WNT9B: variants seen among roughly 807,000 people sequenced by gnomAD.
WNT9B encodes the protein protein Wnt-9b.
In WNT9B, 12 loss-of-function variants were observed where a neutral mutation model predicts 30.2. The ratio of observed to expected loss-of-function variants is 0.40; its 90% CI spans 0.26 to 0.64. WNT9B has a LOEUF of 0.64. Among genes scored for constraint, WNT9B ranks in the 30% least tolerant of loss-of-function variants. The pLI is 0.42. For missense variants in WNT9B, 442 were observed against 485.2 expected, an observed-to-expected ratio of 0.91 and a Z score of 0.84; for synonymous variants, 218 against 216.9, an observed-to-expected ratio of 1.01 and a Z score of -0.05.
chr17:46,850,557 G>T (rs190843555), upstream of WNT9B, among the ~76,000 whole-genome samples: 41 of 152,270 alleles, frequency 2.7e-4, no homozygotes, highest in Admixed American at 2.4e-3. Context: ...AACTTTACAT[G>T]CAGATCTTGA....
Position 46,879,092 on chromosome 17 carries a change from T to C in WNT9B, c.*2374T>C, listed in dbSNP as rs2085389344. On this transcript the variant is annotated 3_prime_UTR_variant, in exon 4 of 4. Transcript: ENST00000290015. ...AGGGTATTTTTGTCTACCTCAAATA[T>C]ATAGTTTTTAGAGCAAAGGAGAATA... Among the ~76,000 whole-genome samples the C allele has an allele frequency of 6.6e-6, 1 of 152,234 alleles. No individual in the cohort carries two copies. The highest frequency in any genetic ancestry group is 1.5e-5 in the Non-Finnish European group (1 of 68,038).
At chr17:46,834,319 G>A (rs752292265) in intron 1 of WNT9B, among the ~76,000 whole-genome samples, 5 of 152,214 alleles carry the variant, frequency 3.3e-5, no homozygotes, top group African/African-American at 4.8e-5. Context: ...TGGAGAAGCA[G>A]GTGGTGCCTG....
intron 1 of WNT9B, among the ~76,000 whole-genome samples, chr17:46,857,825 G>A (rs915677289): frequency 6.6e-6 from 1 of 152,216 alleles, no homozygotes; most frequent in African/African-American, 2.4e-5. Context: ...GATGAATGGT[G>A]TGTTGAACAT....
chr17:46,866,495 G>A lies in WNT9B; in HGVS notation c.78-6022G>A, dbSNP rs889243891. Among the ~76,000 whole-genome samples the A allele has an allele frequency of 2.0e-5, 3 of 152,040 alleles. No individual in the cohort carries two copies. The East Asian group carries it at 5.8e-4, about 29-fold the overall frequency. On this transcript the variant is annotated intron_variant, in intron 1 of 3. Transcript: ENST00000290015. ...GTGTGTGTGTATTTGTGTGTGTAGG[G>A]GGATCAGTGAGGGCCAGGAGAGGTA... is the stretch of plus-strand genomic sequence containing the variant.
At chr17:46,863,112 G>A (rs1461849864) in intron 1 of WNT9B, among the ~76,000 whole-genome samples, 1 of 752 alleles carries the variant, frequency 1.3e-3, no homozygotes, top group Non-Finnish European at 2.4e-3. Flanking sequence ...TCGTGGGCTA[G>A]GGAGGGCGTG....
At position 46,839,963 on chromosome 17, in the gene WNT9B, TC is replaced by T. The variant is rs1417630083; in HGVS notation, c.95+6524del. Among the ~76,000 whole-genome samples the T allele has an allele frequency of 1.8e-3, 267 of 148,078 alleles. 1 individual carries two copies. The highest frequency in any genetic ancestry group is 2.9e-3 in the Non-Finnish European group (192 of 66,904). On this transcript the variant is annotated intron_variant, in intron 1 of 2. Coordinates refer to the WNT9B transcript ENST00000575372. The stretch of plus-strand genomic sequence containing the variant: ...TTCTTTCTTTCTTTCTTTCTTTCTT[TC>T]TTTCTTTCTTTCTCTTCTTTCTTTC...
chr17:46,868,913 G>T (rs2085189233), intron 1 of WNT9B, among the ~76,000 whole-genome samples: 1 of 152,228 alleles, frequency 6.6e-6, no homozygotes, highest in Non-Finnish European at 1.5e-5. Flanking sequence ...GGCTGAGCAT[G>T]TGTCGGATAA....
chr17:46,861,644 G>A (rs891763275), intron 1 of WNT9B, among the ~76,000 whole-genome samples: 1 of 152,156 alleles, frequency 6.6e-6, no homozygotes, highest in Non-Finnish European at 1.5e-5. Flanking sequence ...ACATGAGCTG[G>A]GGGCATAGGG....
chr17:46,875,687 C>T (rs1231668551), intron 3 of WNT9B, among the ~76,000 whole-genome samples: 1 of 152,144 alleles, frequency 6.6e-6, no homozygotes, highest in Non-Finnish European at 1.5e-5. Flanking sequence ...ATTCCAAGGA[C>T]CAGGCCTTCC....
chr17:46,862,593 G>GT (rs900186445), intron 1 of WNT9B, among the ~76,000 whole-genome samples: 5 of 151,982 alleles, frequency 3.3e-5, no homozygotes, highest in Admixed American at 2.6e-4. Flanking sequence ...GTTTTGTTTT[G>GT]TTTTTTTGAG....
intron 1 of WNT9B, among the ~76,000 whole-genome samples, chr17:46,856,100 T>G (rs1279410293): frequency 6.6e-6 from 1 of 152,262 alleles, no homozygotes; most frequent in Admixed American, 6.5e-5. Context: ...GTGTGTGACC[T>G]CTGCACTGGT....
At chr17:46,869,445 A>G (rs2085200688) in intron 1 of WNT9B, among the ~76,000 whole-genome samples, 1 of 152,120 alleles carries the variant, frequency 6.6e-6, no homozygotes, top group African/African-American at 2.4e-5. Context: ...CGTTCTGGGC[A>G]CTGCAGAGTG....
At chr17:46,842,068 C>A (rs1226049773) in intron 1 of WNT9B, among the ~76,000 whole-genome samples, 1 of 152,196 alleles carries the variant, frequency 6.6e-6, no homozygotes, top group Non-Finnish European at 1.5e-5. Context: ...GAGGCCTCCC[C>A]CTCCATCCCT....
rs184880277 is a variant in WNT9B, at chr17:46,854,136, C to T, written c.77+2421C>T. Among the ~76,000 whole-genome samples, 127 of 152,316 alleles carry T rather than the reference C, an allele frequency of 8.3e-4. No individual in the cohort carries two copies. In the Middle Eastern group the frequency reaches 0.014, roughly 16 times the overall value. ...CAGATGCTCAGAGAATCAGCTAAAA[C>T]TGGGGCCTCATGATGTTAAGTGTTT... On this transcript the variant is annotated intron_variant, in intron 1 of 3. Coordinates refer to ENST00000290015, the MANE Select transcript of WNT9B (RefSeq NM_003396.3).
chr17:46,835,504 C>T (rs1416886980), intron 1 of WNT9B, among the ~76,000 whole-genome samples: 2 of 152,212 alleles, frequency 1.3e-5, no homozygotes, highest in Non-Finnish European at 2.9e-5. Flanking sequence ...AGCCACCACG[C>T]CCAGCCCAGT....
chr17:46,885,228 A>G, downstream of WNT9B: 1 of 292,898 alleles, frequency 3.4e-6, no homozygotes, highest in Non-Finnish European at 6.7e-6. Context: ...CTGGTCTCGA[A>G]CTCCCGACCT....
chr17:46,838,923 G>T (rs1224242470), intron 1 of WNT9B, among the ~76,000 whole-genome samples: 1 of 152,090 alleles, frequency 6.6e-6, no homozygotes, highest in Non-Finnish European at 1.5e-5. Flanking sequence ...TGTCGCCCAG[G>T]CTGGAGTGAA....
intron 1 of WNT9B, among the ~76,000 whole-genome samples, chr17:46,838,088 C>T (rs2084654827): frequency 6.6e-6 from 1 of 152,126 alleles, no homozygotes; most frequent in Non-Finnish European, 1.5e-5. Context: ...GCATTTTCTG[C>T]CCCCTCTTCA....
chr17:46,880,645 A>G (rs1295235317), downstream of WNT9B, among the ~76,000 whole-genome samples: 1 of 152,234 alleles, frequency 6.6e-6, no homozygotes, highest in Non-Finnish European at 1.5e-5. Context: ...TTGTGAGATG[A>G]GAAGCCTCCT....
Sources: gnomAD v4.1 joint callset for allele counts (sites outside exome capture counted in the v4.1 genomes callset) on GRCh38, gnomAD v4.1.1 for gene constraint, MANE v1.5 for transcripts, NCBI Gene and HGNC (gene_info 2026-07-23, HGNC 2026-07-21) for gene names.